Variants in ANKS1B observed in about 807,000 individuals in gnomAD.
ANKS1B encodes the protein ankyrin repeat and sterile alpha motif domain-containing protein 1B.
ANKS1B carries 36 observed loss-of-function variants against 148.3 expected under a neutral mutation model. The ratio of observed to expected loss-of-function variants is 0.24; its 90% CI spans 0.19 to 0.32. The LOEUF is 0.32. Among genes scored for constraint, ANKS1B ranks in the 10% least tolerant of loss-of-function variants. The pLI, the probability that ANKS1B is intolerant of heterozygous loss-of-function variation, is 1.00. For missense variants in ANKS1B, 1,157 were observed against 1,542.6 expected, an observed-to-expected ratio of 0.75 and a Z score of 4.19; for synonymous variants, 542 against 560.8, an observed-to-expected ratio of 0.97 and a Z score of 0.47.
chr12:99,938,651 G>A (rs1307111268), intron 1 of ANKS1B, among the ~76,000 whole-genome samples: 1 of 152,190 alleles, frequency 6.6e-6, no homozygotes, highest in African/African-American at 2.4e-5. Context: ...ACATGCTAGA[G>A]AAAACCAGAG....
chr12:99,397,134 T>C (rs191572689), intron 12 of ANKS1B, among the ~76,000 whole-genome samples: 119 of 152,186 alleles, frequency 7.8e-4, no homozygotes, highest in African/African-American at 2.6e-3. Context: ...CTAGGATTGA[T>C]GTAGAATACA....
In ANKS1B at chr12:99,514,880, G is replaced by A. The variant is rs185614720; in HGVS notation, c.1273-10239C>T. ...GGTTAATCCTGGTAATAGGCAAGAGGGATTAAAAGGACTGCAATGCAACAA... is the reference window on the plus strand; with the variant it reads ...GGTTAATCCTGGTAATAGGCAAGAGAGATTAAAAGGACTGCAATGCAACAA... On this transcript the variant is annotated intron_variant, in intron 9 of 26. Transcript: ENST00000683438. Among the ~76,000 whole-genome samples, 4 of 151,900 alleles carry A rather than the reference G, an allele frequency of 2.6e-5. No homozygotes were observed. The East Asian group carries it at 5.8e-4, about 22-fold the overall frequency.
intron 13 of ANKS1B, among the ~76,000 whole-genome samples, chr12:99,245,760 T>G (rs2090131375): frequency 6.6e-6 from 1 of 152,246 alleles, no homozygotes; most frequent in African/African-American, 2.4e-5. Flanking sequence ...TTTTTCTTTA[T>G]TTCCCTGATA....
At chr12:99,748,024 G>C (rs1481984831) in intron 8 of ANKS1B, among the ~76,000 whole-genome samples, 1 of 152,012 alleles carries the variant, frequency 6.6e-6, no homozygotes, top group Admixed American at 6.6e-5. Flanking sequence ...TAAAGGTAGA[G>C]ACTTAATTCT....
intron 1 of ANKS1B, among the ~76,000 whole-genome samples, chr12:99,847,963 G>A (rs181772084): frequency 6.6e-6 from 1 of 152,128 alleles, no homozygotes; most frequent in East Asian, 1.9e-4. Flanking sequence ...ATGACAAATT[G>A]TTCCTGGTGA....
intron 12 of ANKS1B, among the ~76,000 whole-genome samples, chr12:99,267,981 G>T (rs1448732215): frequency 1.3e-5 from 2 of 152,180 alleles, no homozygotes; most frequent in Admixed American, 6.5e-5. Context: ...TATAATGTTT[G>T]AGGGATATAA....
chr12:98,919,220 G>A (rs2099798205), intron 17 of ANKS1B, among the ~76,000 whole-genome samples: 1 of 152,088 alleles, frequency 6.6e-6, no homozygotes, highest in African/African-American at 2.4e-5. Flanking sequence ...TTATTTTGGT[G>A]TATTTGAACC....
At chr12:98,984,786 G>A (rs961626525) in intron 17 of ANKS1B, among the ~76,000 whole-genome samples, 17 of 152,246 alleles carry the variant, frequency 1.1e-4, no homozygotes, top group Non-Finnish European at 2.2e-4. Flanking sequence ...GAGTCAGGAG[G>A]ACTGCTTGAA....
intron 11 of ANKS1B, among the ~76,000 whole-genome samples, chr12:99,432,862 T>A (rs577232664): frequency 6.6e-6 from 1 of 152,256 alleles, no homozygotes; most frequent in East Asian, 1.9e-4. Context: ...CTAGTGTAAA[T>A]TAAACAACGT....
intron 16 of ANKS1B, among the ~76,000 whole-genome samples, chr12:99,061,429 C>T (rs191947483): frequency 1.5e-4 from 23 of 152,198 alleles, no homozygotes; most frequent in African/African-American, 4.3e-4. Flanking sequence ...ATTCTAATTC[C>T]GTTATTTGGA....
chr12:99,424,622 A>AC (rs1567074978), intron 11 of ANKS1B, among the ~76,000 whole-genome samples: 1,810 of 147,450 alleles, frequency 0.012, 33 homozygotes, highest in Non-Finnish European at 0.019. Context: ...AGGTAGCAGA[A>AC]ACACACACAC....
At chr12:99,038,215 G>C (rs186494181) in intron 17 of ANKS1B, among the ~76,000 whole-genome samples, 1 of 152,026 alleles carries the variant, frequency 6.6e-6, no homozygotes, top group Non-Finnish European at 1.5e-5. Flanking sequence ...ATGTGTGCTA[G>C]GTAGTTCAAT....
chr12:99,587,416 C>A (rs1375339282), intron 9 of ANKS1B, among the ~76,000 whole-genome samples: 1 of 152,136 alleles, frequency 6.6e-6, no homozygotes, highest in Admixed American at 6.6e-5. Context: ...TTCTAATGAT[C>A]AAGTGATTGC....
intron 9 of ANKS1B, among the ~76,000 whole-genome samples, chr12:99,529,171 GA>G (rs147589797): frequency 0.01 from 1,540 of 152,066 alleles, 22 homozygotes; most frequent in African/African-American, 0.035. Context: ...AACTAAATAG[GA>G]ACCACCTTTG....
At position 99,724,426 on chromosome 12, in the gene ANKS1B, T is replaced by C. The variant is rs531200662; in HGVS notation, c.1128+48496A>G. On this transcript the variant is annotated intron_variant, in intron 8 of 26. Coordinates refer to ENST00000683438, the MANE Select transcript of ANKS1B (RefSeq NM_001352186.2). ...TATCTGAGTTTGAAGACCACCTTGC[T>C]GAAATAAGGCATGCAGACAAGATTA... Among the ~76,000 whole-genome samples the C allele has an allele frequency of 2.0e-5, 3 of 152,250 alleles. No individual in the cohort carries two copies. The East Asian group carries it at 5.8e-4, about 29-fold the overall frequency.
At chr12:99,642,514 G>A (rs2098319533) in intron 9 of ANKS1B, among the ~76,000 whole-genome samples, 1 of 152,142 alleles carries the variant, frequency 6.6e-6, no homozygotes, top group Admixed American at 6.5e-5. Flanking sequence ...GGTTACTTCT[G>A]GAGGCTCTAA....
intron 11 of ANKS1B, 36 bp from the exon 12 acceptor site, chr12:99,399,847 A>G: frequency 6.3e-7 from 1 of 1,599,748 alleles, no homozygotes; most frequent in Non-Finnish European, 8.6e-7. Context: ...TATTAATATG[A>G]TCATGTTCAT....
intron 1 of ANKS1B, among the ~76,000 whole-genome samples, chr12:99,876,030 G>A (rs1315583558): frequency 6.6e-6 from 1 of 152,150 alleles, no homozygotes; most frequent in African/African-American, 2.4e-5. Context: ...TTTTCCAAGA[G>A]GAATCCAAGA....
intron 19 of ANKS1B, among the ~76,000 whole-genome samples, chr12:98,827,751 T>C (rs1023018968): frequency 2.0e-5 from 3 of 152,298 alleles, no homozygotes; most frequent in African/African-American, 7.2e-5. Flanking sequence ...ACACAGTCAA[T>C]AATAGCTAAT....
Sources: allele counts gnomAD v4.1 joint callset (sites outside exome capture counted in the v4.1 genomes callset), GRCh38; gene constraint gnomAD v4.1.1; transcripts MANE v1.5; gene names NCBI Gene and HGNC (gene_info 2026-07-23, HGNC 2026-07-21).